The following RAB11A variants were observed in gnomAD, a reference collection of about 807,000 sequenced individuals.
RAB11A encodes ras-related protein Rab-11A.
Under a neutral mutation model 28.0 loss-of-function variants are expected in RAB11A, and 9 were observed. That is an observed-to-expected ratio of 0.32 (90% CI 0.19 to 0.56). The LOEUF (loss-of-function observed/expected upper bound fraction) is 0.56, where lower values mean the gene tolerates loss of function less well. Ranked by LOEUF, RAB11A falls within the 20% of genes least tolerant of loss-of-function variation. The pLI is 0.91. For synonymous variants in RAB11A, 85 were observed against 88.2 expected (o/e 0.96, Z 0.20); for missense variants, 108 against 269.6 (o/e 0.40, Z 4.20).
chr15:65,874,362 C>T (rs111766122), intron 1 of RAB11A, among the ~76,000 whole-genome samples: 9,373 of 152,080 alleles, frequency 0.062, 421 homozygotes, highest in Non-Finnish European at 0.092. Flanking sequence ...CTGCTTCGGC[C>T]TCCTGAGTAG....
Position 65,889,228 on chromosome 15 carries a change from T to A in RAB11A, c.*1388T>A, listed in dbSNP as rs2078271673. The A allele has an allele frequency of 6.6e-6, 1 of 152,402 alleles. No homozygotes were observed. The highest frequency in any genetic ancestry group is 6.5e-5 in the Admixed American group (1 of 15,284). 9.4% of individuals were successfully genotyped at this position (152,402 alleles called of 1,614,324 possible). ...TATATTTCATAGTTAATCTTTTGTC[T>A]CTTGCGGTGCTCATGATGTGTGGGG... On this transcript the variant is annotated 3_prime_UTR_variant, in exon 5 of 5. Coordinates refer to ENST00000261890, the MANE Select transcript of RAB11A (RefSeq NM_004663.5).
chr15:65,874,351 C>T (rs949353175), intron 1 of RAB11A, among the ~76,000 whole-genome samples: 1 of 151,982 alleles, frequency 6.6e-6, no homozygotes, highest in African/African-American at 2.4e-5. Flanking sequence ...AAGCAATTCT[C>T]CTGCTTCGGC....
chr15:65,877,651 G>T lies in RAB11A; in HGVS notation c.237-111G>T. 1 of 1,321,458 alleles carries T rather than the reference G, an allele frequency of 7.6e-7. No individual in the cohort carries two copies. 81.9% of individuals were successfully genotyped at this position (1,321,458 alleles called of 1,614,324 possible). A position where few individuals can be genotyped will look rare whatever the true frequency, so the allele number is the denominator to read the frequency against. On this transcript the variant is annotated intron_variant, in intron 2 of 4. Transcript: ENST00000261890. This position sits in a 1 kb window ranked among gnomAD's most constrained non-coding sequence, Gnocchi z 4.1. ...AGAATTCTAGTATTAGGAATCCTTA[G>T]AAATTTATTTATAAGTATGTTTTTA...
Position 65,880,748 on chromosome 15 carries a change from T to C in RAB11A, c.511+997T>C, listed in dbSNP as rs116118629. On this transcript the variant is annotated intron_variant, in intron 4 of 4. Transcript: ENST00000261890. The stretch of plus-strand genomic sequence containing the variant: ...TCCTGGCTCCTCCACTTACTGTTAG[T>C]TGTACAATCTTAGGCAAGTTACCTA... 2.2e-3 allele frequency among the ~76,000 whole-genome samples: 333 copies of C among 152,336 alleles called. 1 individual carries two copies. The highest frequency in any genetic ancestry group is 7.7e-3 in the African/African-American group (321 of 41,586).
At chr15:65,886,022 A>G (rs2078253804) in intron 4 of RAB11A, among the ~76,000 whole-genome samples, 1 of 152,218 alleles carries the variant, frequency 6.6e-6, no homozygotes, top group South Asian at 2.1e-4. Flanking sequence ...TTGATCTTAC[A>G]GGGAGGGGAA....
chr15:65,870,877 T>A (rs570270295), intron 1 of RAB11A, among the ~76,000 whole-genome samples: 143 of 152,208 alleles, frequency 9.4e-4, no homozygotes, highest in Non-Finnish European at 1.6e-3. Context: ...TTTTTTTTTT[T>A]AATCAACGAA....
Position 65,888,519 on chromosome 15 carries a change from C to G in RAB11A, c.*679C>G, listed in dbSNP as rs933734999. On this transcript the variant is annotated 3_prime_UTR_variant, in exon 5 of 5. Coordinates refer to ENST00000261890, the MANE Select transcript of RAB11A (RefSeq NM_004663.5). ...TATGGTTGTGGGGCCATAAGTTAAA[C>G]AGTGCTGCCTGGTAGGCTGGGAACT... The G allele has an allele frequency of 6.6e-6, 1 of 152,092 alleles. No individual in the cohort carries two copies. Among genetic ancestry groups the G allele is most frequent in the Non-Finnish European group, 1.5e-5 (1 of 68,012 alleles). 9.4% of individuals were successfully genotyped at this position (152,092 alleles called of 1,614,324 possible). A position where few individuals can be genotyped will look rare whatever the true frequency, so the allele number is the denominator to read the frequency against.
chr15:65,884,505 G>T (rs185959304), intron 4 of RAB11A, among the ~76,000 whole-genome samples: 1 of 152,128 alleles, frequency 6.6e-6, no homozygotes, highest in African/African-American at 2.4e-5. Context: ...AGAGGGAAAG[G>T]CAGACTTCTC....
chr15:65,885,405 C>T (rs1024711535), intron 4 of RAB11A, among the ~76,000 whole-genome samples: 4 of 152,126 alleles, frequency 2.6e-5, no homozygotes, highest in African/African-American at 4.8e-5. Context: ...GGATTACAGG[C>T]GTGAGCCACC....
Position 65,879,661 on chromosome 15 carries a change from C to T in RAB11A, c.431-10C>T. Reference sequence around the variant, plus strand: ...ACTTAACAAGACTGAACTTTTGTGTCTCCCCTCAGAAAAGAATGGTTTGTC... The same window carrying T: ...ACTTAACAAGACTGAACTTTTGTGTTTCCCCTCAGAAAAGAATGGTTTGTC... On this transcript the variant is annotated splice_polypyrimidine_tract_variant and intron_variant, in intron 3 of 4. Coordinates refer to ENST00000261890, the MANE Select transcript of RAB11A (RefSeq NM_004663.5). 1 of 1,568,464 alleles carries T rather than the reference C, an allele frequency of 6.4e-7. No homozygotes were observed. Among genetic ancestry groups the T allele is most frequent in the South Asian group, 1.1e-5 (1 of 89,154 alleles).
intron 1 of RAB11A, among the ~76,000 whole-genome samples, chr15:65,875,670 A>G (rs1469479610): frequency 6.6e-6 from 1 of 152,198 alleles, no homozygotes; most frequent in African/African-American, 2.4e-5. Flanking sequence ...GCTGACTGAG[A>G]AAGCCAGAAA....
intron 3 of RAB11A, among the ~76,000 whole-genome samples, chr15:65,878,976 T>C (rs1270188476): frequency 1.3e-5 from 2 of 150,244 alleles, no homozygotes; most frequent in East Asian, 4.0e-4. Flanking sequence ...AAGGAGCCAA[T>C]TGACAATTTC....
intron 1 of RAB11A, among the ~76,000 whole-genome samples, chr15:65,873,274 A>T (rs903737620): frequency 2.0e-5 from 3 of 152,204 alleles, no homozygotes; most frequent in African/African-American, 7.2e-5. Context: ...CTGTTTACAA[A>T]TATTGTGTGG....
intron 3 of RAB11A, among the ~76,000 whole-genome samples, chr15:65,878,220 C>T (rs572500503): frequency 1.2e-4 from 19 of 152,290 alleles, no homozygotes; most frequent in East Asian, 3.9e-4. Context: ...GGCTGCTGTA[C>T]GTGAGCTCTA....
At chr15:65,869,828 C>G (rs912995213) in intron 1 of RAB11A, among the ~76,000 whole-genome samples, 4 of 152,224 alleles carry the variant, frequency 2.6e-5, no homozygotes, top group African/African-American at 9.6e-5. Context: ...CTCTGAGCGA[C>G]CTCTCCATAG....
chr15:65,869,635 T>G lies in RAB11A; in HGVS notation c.40+10T>G, dbSNP rs1292497845. The G allele has an allele frequency of 6.2e-7, 1 of 1,611,148 alleles. No homozygotes were observed. The highest frequency in any genetic ancestry group is 1.3e-5 in the African/African-American group (1 of 74,932). On this transcript the variant is annotated intron_variant, in intron 1 of 4. Coordinates refer to ENST00000261890, the MANE Select transcript of RAB11A (RefSeq NM_004663.5). The stretch of plus-strand genomic sequence containing the variant: ...GACTACCTCTTTAAAGGTGAGGCCA[T>G]GGGCTCTCGCACTCTACACAGTCCT...
chr15:65,870,288 A>G (rs1238859446), intron 1 of RAB11A, among the ~76,000 whole-genome samples: 1 of 148,670 alleles, frequency 6.7e-6, no homozygotes, highest in East Asian at 2.0e-4. Flanking sequence ...TCCCTCTCCC[A>G]CTCCCCATTT....
Position 65,891,762 on chromosome 15 carries a change from TTAAA to T in RAB11A, c.*3926_*3929del, listed in dbSNP as rs2078298418. The T allele has an allele frequency of 6.6e-6, 1 of 152,230 alleles. No individual in the cohort carries two copies. The highest frequency in any genetic ancestry group is 2.4e-5 in the African/African-American group (1 of 41,448). The allele number at this position is 152,230 out of a possible 1,614,324, so 9.4% of individuals were successfully genotyped here. On this transcript the variant is annotated 3_prime_UTR_variant, in exon 5 of 5. Coordinates refer to ENST00000261890, the MANE Select transcript of RAB11A (RefSeq NM_004663.5). Reference sequence around the variant, plus strand: ...TGCCTTTATTTCCATGTTTACTCCTTTAAATAAGATGAAAGCTTTCAGAACATTT... The same window carrying T: ...TGCCTTTATTTCCATGTTTACTCCTTTAAGATGAAAGCTTTCAGAACATTT...
At chr15:65,876,361 A>G (rs1451907784) in intron 1 of RAB11A, among the ~76,000 whole-genome samples, 2 of 152,054 alleles carry the variant, frequency 1.3e-5, no homozygotes, top group Non-Finnish European at 2.9e-5. Flanking sequence ...CAGTGACACA[A>G]TCTCGGCCCA....
Sources: gnomAD v4.1 joint callset for allele counts (sites outside exome capture counted in the v4.1 genomes callset) on GRCh38, gnomAD v4.1.1 for gene constraint, Gnocchi (gnomAD v3.1) non-coding constraint, MANE v1.5 for transcripts, NCBI Gene and HGNC (gene_info 2026-07-23, HGNC 2026-07-21) for gene names.